Variants in OGFOD1 observed in about 807,000 individuals in gnomAD.
OGFOD1 encodes the protein prolyl 3-hydroxylase OGFOD1.
OGFOD1 carries 54 observed loss-of-function variants against 67.7 expected under a neutral mutation model. That is an observed-to-expected ratio of 0.80 (90% CI 0.64 to 1.00). OGFOD1 has a LOEUF of 1.00. OGFOD1 is among the 50% of genes least tolerant of loss of function. The pLI is 0.00. For missense variants in OGFOD1, 606 were observed against 646.7 expected (o/e 0.94, Z 0.68); for synonymous variants, 221 against 227.0 (o/e 0.97, Z 0.24).
Position 56,456,616 on chromosome 16 carries a change from T to C in OGFOD1, c.301-1932T>C, listed in dbSNP as rs117240233. ...AAATACAGGCAATCGCCACATGATA[T>C]TTTCTGTCAGCAACAGATACGATAG... On this transcript the variant is annotated intron_variant, in intron 2 of 12. Coordinates refer to ENST00000566157, the MANE Select transcript of OGFOD1 (RefSeq NM_018233.4). 3.1e-3 allele frequency among the ~76,000 whole-genome samples: 478 copies of C among 152,328 alleles called. 13 individuals are homozygous for C. In the South Asian group the frequency reaches 0.056, roughly 18 times the overall value.
chr16:56,472,080 G>C (rs1171320765), intron 10 of OGFOD1, among the ~76,000 whole-genome samples: 5 of 152,014 alleles, frequency 3.3e-5, no homozygotes, highest in Non-Finnish European at 7.4e-5. Context: ...TTCTGCCTCA[G>C]TATCCCAAGT....
chr16:56,452,537 G>C (rs1433700894), intron 1 of OGFOD1, among the ~76,000 whole-genome samples: 2 of 152,216 alleles, frequency 1.3e-5, no homozygotes, highest in Non-Finnish European at 2.9e-5. Context: ...CCGTTGTCAA[G>C]TGCTTTGAAG....
intron 3 of OGFOD1, 26 bp downstream of exon 3, chr16:56,458,620 G>A (rs758563281): frequency 1.3e-6 from 2 of 1,556,000 alleles, no homozygotes; most frequent in African/African-American, 2.7e-5. Flanking sequence ...TATTTGTTGG[G>A]TGCTAATATG....
chr16:56,473,412 G>C (rs1963296053), intron 10 of OGFOD1, among the ~76,000 whole-genome samples: 1 of 152,238 alleles, frequency 6.6e-6, no homozygotes, highest in South Asian at 2.1e-4. Flanking sequence ...ATTTTTTCCA[G>C]TTCTTCACTG....
chr16:56,463,384 GTTTTTTTTTTT>G (rs56388148), intron 4 of OGFOD1, among the ~76,000 whole-genome samples: 7 of 43,808 alleles, frequency 1.6e-4, no homozygotes, highest in South Asian at 1.4e-3. Flanking sequence ...TCTTTTTTGG[GTTTTTTTTTTT>G]TTTTTTTTTT....
intron 10 of OGFOD1, among the ~76,000 whole-genome samples, chr16:56,473,040 C>T (rs1044648251): frequency 2.0e-5 from 3 of 152,326 alleles, no homozygotes; most frequent in African/African-American, 7.2e-5. Context: ...AAGCGATTCT[C>T]CTGCCTCAGC....
At position 56,458,575 on chromosome 16, in the gene OGFOD1, C is replaced by A; in HGVS notation, c.328C>A (p.Pro110Thr). ...TGATGATTTGAAGAAGAGAAGAGAG[C>A]CTCACATCTCCACTTTAAGGTAAAC... The part of the protein sequence containing the change: ...QSDDLKKRRE[P>T]HISTLRKILF... The change falls in exon 3 of 13, where the codon CCT becomes ACT. Residue 110 changes from proline (P) to threonine (T), a missense_variant. Transcript: ENST00000566157. The A allele has an allele frequency of 1.2e-6, 2 of 1,613,490 alleles. No individual in the cohort carries two copies. The highest frequency in any genetic ancestry group is 1.3e-5 in the African/African-American group (1 of 75,008).
intron 3 of OGFOD1, among the ~76,000 whole-genome samples, chr16:56,459,133 G>A (rs1962628345): frequency 6.6e-6 from 1 of 152,160 alleles, no homozygotes; most frequent in Admixed American, 6.5e-5. Flanking sequence ...CTGAGGTCAG[G>A]AGTTCAAGAC....
At chr16:56,459,844 A>G (rs1387367397) in intron 3 of OGFOD1, among the ~76,000 whole-genome samples, 4 of 152,240 alleles carry the variant, frequency 2.6e-5, no homozygotes, top group Non-Finnish European at 4.4e-5. Context: ...AGATTTGGAA[A>G]AATAGAGTAT....
chr16:56,464,380 TTTAAGA>T (rs530944321), intron 4 of OGFOD1, among the ~76,000 whole-genome samples: 43 of 152,312 alleles, frequency 2.8e-4, no homozygotes, highest in African/African-American at 8.9e-4. Context: ...GGGGAGATAC[TTTAAGA>T]TTATGTAAAT....
At chr16:56,456,920 G>T (rs1190520008) in intron 2 of OGFOD1, among the ~76,000 whole-genome samples, 1 of 152,162 alleles carries the variant, frequency 6.6e-6, no homozygotes, top group African/African-American at 2.4e-5. Context: ...TGTATATCCA[G>T]AGAAGCCCAC....
intron 8 of OGFOD1, among the ~76,000 whole-genome samples, chr16:56,469,186 C>T (rs1409920396): frequency 2.6e-5 from 4 of 152,136 alleles, no homozygotes; most frequent in Non-Finnish European, 4.4e-5. Context: ...TGGAAAGCCT[C>T]TTGTGGAGAA....
chr16:56,470,881 A>G (rs1963139736), intron 10 of OGFOD1, 90 bp downstream of exon 10: 2 of 1,300,400 alleles, frequency 1.5e-6, no homozygotes, highest in Non-Finnish European at 1.0e-6. Flanking sequence ...TTGAGCATCT[A>G]CTGTGCCCTA....
chr16:56,452,140 T>C (rs779421203), intron 1 of OGFOD1: 2 of 180,650 alleles, frequency 1.1e-5, no homozygotes, highest in African/African-American at 2.4e-5. Flanking sequence ...GGATAGTTCA[T>C]AATATTTACC....
intron 3 of OGFOD1, among the ~76,000 whole-genome samples, chr16:56,460,255 C>T (rs1281045721): frequency 6.6e-6 from 1 of 152,232 alleles, no homozygotes; most frequent in Non-Finnish European, 1.5e-5. Context: ...CAAGCTGCAA[C>T]TCCGTAATCG....
At position 56,466,943 on chromosome 16, in the gene OGFOD1, A is replaced by G. The variant is rs1442233227; in HGVS notation, c.633A>G (p.Glu211=). ...CGTGGAACAAACTGGTTTTCTTTGA[A>G]GTATCTCCTGTGTCCTTTCACCAGG... ...IPSWNKLVFF[E]VSPVSFHQVS... Residue 211 remains glutamate, a synonymous_variant, in exon 6 of 13, where the codon GAA becomes GAG. Transcript: ENST00000566157. 6.2e-7 allele frequency: 1 copy of G among 1,613,038 alleles called. No homozygotes were observed. The highest frequency in any genetic ancestry group is 1.7e-5 in the Admixed American group (1 of 60,002).
chr16:56,470,552 G>A lies in OGFOD1; in HGVS notation c.1046G>A (p.Arg349His), dbSNP rs370136242. The A allele has an allele frequency of 1.3e-4, 207 of 1,613,968 alleles. No individual in the cohort carries two copies. The highest frequency in any genetic ancestry group is 4.3e-4 in the Admixed American group (26 of 59,994). ...EILKECMKLFRSEALFLLLSN... is the reference protein window; with the variant it reads ...EILKECMKLFHSEALFLLLSN... The stretch of plus-strand genomic sequence containing the variant: ...TTGAAGGAGTGCATGAAGTTATTTC[G>A]CTCTGAGGCACTATTCTTGCTGCTC... The change falls in exon 10 of 13, where the codon CGC (arginine) becomes CAC (histidine). Residue 349 changes from arginine (R) to histidine (H), a missense_variant. Transcript: ENST00000566157.
chr16:56,460,514 C>CA (rs1300991197), intron 3 of OGFOD1, among the ~76,000 whole-genome samples: 2 of 152,224 alleles, frequency 1.3e-5, no homozygotes, highest in African/African-American at 2.4e-5. Flanking sequence ...CCTGGTTCAG[C>CA]AGTTTGCTAT....
intron 6 of OGFOD1, 53 bp downstream of exon 6, chr16:56,467,020 C>A: frequency 6.5e-7 from 1 of 1,531,546 alleles, no homozygotes; most frequent in Non-Finnish European, 9.0e-7. Flanking sequence ...TTTTAATCAC[C>A]CATTATCCAA....
Sources: gnomAD v4.1 joint callset for allele counts (sites outside exome capture counted in the v4.1 genomes callset) on GRCh38, gnomAD v4.1.1 for gene constraint, MANE v1.5 for transcripts, NCBI Gene and HGNC (gene_info 2026-07-23, HGNC 2026-07-21) for gene names.